ITGAV: variants seen among roughly 807,000 people sequenced by gnomAD.
ITGAV encodes integrin subunit alpha V.
A neutral mutation model predicts 143.8 loss-of-function variants in ITGAV; 76 were observed. The ratio of observed to expected loss-of-function variants is 0.53; its 90% CI spans 0.44 to 0.64. ITGAV has a LOEUF of 0.64. Among genes scored for constraint, ITGAV ranks in the 30% least tolerant of loss-of-function variants. The probability of loss-of-function intolerance (pLI) is 0.00; values close to 1 mark genes in which losing one functional copy is unlikely to be tolerated. For synonymous variants in ITGAV, 453 were observed against 446.7 expected (o/e 1.01, Z -0.18); for missense variants, 1,193 against 1,274.7 (o/e 0.94, Z 0.98).
chr2:186,665,949 C>G (rs1188567048), intron 21 of ITGAV, among the ~76,000 whole-genome samples: 1 of 152,100 alleles, frequency 6.6e-6, no homozygotes, highest in Admixed American at 6.6e-5. Flanking sequence ...ACAAATTACC[C>G]TAAGTTCAGT....
At chr2:186,629,339 G>C (rs554898787) in intron 4 of ITGAV, among the ~76,000 whole-genome samples, 1 of 151,954 alleles carries the variant, frequency 6.6e-6, no homozygotes, top group African/African-American at 2.4e-5. Flanking sequence ...GCAGATAATT[G>C]TACAGTATGA....
Position 186,590,421 on chromosome 2 carries a change from G to A in ITGAV, c.83G>A (p.Cys28Tyr), listed in dbSNP as rs1686580673. ...LLLSGLLLPLCRAFNLDVDSP... is the reference protein window; with the variant it reads ...LLLSGLLLPLYRAFNLDVDSP... Reference sequence around the variant, plus strand: ...CTCTCGGGACTCCTGCTACCTCTGTGCCGCGCCTTCAACCTAGACGTGGAC... The same window carrying A: ...CTCTCGGGACTCCTGCTACCTCTGTACCGCGCCTTCAACCTAGACGTGGAC... The change falls in exon 1 of 30, where the codon TGC (cysteine) becomes TAC (tyrosine). Residue 28 changes from cysteine (C) to tyrosine (Y), a missense_variant. Cys to Tyr is a radical substitution (Grantham distance 194, BLOSUM62 -2). Transcript: ENST00000261023. 1.2e-6 allele frequency: 2 copies of A among 1,613,076 alleles called. No homozygotes were observed. The highest frequency in any genetic ancestry group is 1.7e-6 in the Non-Finnish European group (2 of 1,179,840).
At chr2:186,604,360 T>TA (rs1170455037) in intron 2 of ITGAV, among the ~76,000 whole-genome samples, 1 of 152,224 alleles carries the variant, frequency 6.6e-6, no homozygotes, top group African/African-American at 2.4e-5. Context: ...AAATCACTGA[T>TA]ACTATTCTAT....
intron 14 of ITGAV, among the ~76,000 whole-genome samples, chr2:186,651,267 A>G (rs561123359): frequency 6.6e-6 from 1 of 152,296 alleles, no homozygotes; most frequent in South Asian, 2.1e-4. Context: ...CAGATTTCAG[A>G]TCTTTATCAT....
intron 6 of ITGAV, 68 bp downstream of exon 6, chr2:186,633,442 C>T: frequency 2.6e-6 from 2 of 781,108 alleles, no homozygotes; most frequent in Admixed American, 2.2e-5. Context: ...TAATTGTATG[C>T]CTATGACATT....
rs148860613 is a variant in ITGAV at position 186,640,126 on chromosome 2, A to G, written c.904-789A>G. On this transcript the variant is annotated intron_variant, in intron 10 of 29. Coordinates refer to ENST00000261023, the MANE Select transcript of ITGAV (RefSeq NM_002210.5). The stretch of plus-strand genomic sequence containing the variant: ...GTTGACTCATTTTTCACCTTACTTT[A>G]TATTTAATCTGTCATCTCTTTTAGT... Among the ~76,000 whole-genome samples the G allele has an allele frequency of 3.0e-3, 461 of 152,210 alleles. 4 individuals are homozygous for G. The highest frequency in any genetic ancestry group is 9.8e-3 in the African/African-American group (408 of 41,528).
At chr2:186,603,176 T>C (rs1193968688) in intron 2 of ITGAV, among the ~76,000 whole-genome samples, 1 of 152,254 alleles carries the variant, frequency 6.6e-6, no homozygotes, top group African/African-American at 2.4e-5. Context: ...AAGGAAATAG[T>C]GTGACATTCT....
At chr2:186,623,489 T>C (rs1017542090) in intron 3 of ITGAV, among the ~76,000 whole-genome samples, 1 of 152,130 alleles carries the variant, frequency 6.6e-6, no homozygotes, top group African/African-American at 2.4e-5. Flanking sequence ...AATATTGGGG[T>C]ATCCTTGATC....
intron 18 of ITGAV, chr2:186,660,469 TC>T (rs1218939402): frequency 1.3e-5 from 2 of 152,204 alleles, no homozygotes; most frequent in African/African-American, 4.8e-5. Context: ...TGTTATTCGC[TC>T]TTGTTTTTAT....
At chr2:186,663,858 A>G in intron 19 of ITGAV, 23 bp downstream of exon 19, 1 of 1,525,456 alleles carries the variant, frequency 6.6e-7, no homozygotes, top group Non-Finnish European at 9.1e-7. Context: ...TGAAATAATA[A>G]TGTAGTAAGA....
intron 24 of ITGAV, 110 bp from the exon 25 acceptor site, chr2:186,668,652 G>A (rs1574502701): frequency 1.1e-6 from 1 of 882,736 alleles, no homozygotes; most frequent in Non-Finnish European, 1.8e-6. Flanking sequence ...TGTGGAAATT[G>A]CTGTTATTTA....
rs1462360470 is a variant in ITGAV, at chr2:186,680,403, C to G, written c.*3111C>G. On this transcript the variant is annotated 3_prime_UTR_variant, in exon 30 of 30. Transcript: ENST00000261023. ...ATATGCTTATATTTCATTTTAATTT[C>G]TGATATATAATGAACTTCTTGGGAG... 6.6e-6 allele frequency: 1 copy of G among 152,438 alleles called. No homozygotes were observed. Among genetic ancestry groups the G allele is most frequent in the East Asian group, 1.9e-4 (1 of 5,196 alleles). 9.4% of individuals were successfully genotyped at this position (152,438 alleles called of 1,614,324 possible). A position where few individuals can be genotyped will look rare whatever the true frequency, so the allele number is the denominator to read the frequency against.
chr2:186,666,404 G>A (rs1045497726), intron 21 of ITGAV, among the ~76,000 whole-genome samples: 28 of 152,128 alleles, frequency 1.8e-4, no homozygotes, highest in African/African-American at 5.8e-4. Flanking sequence ...GTACCCAGTT[G>A]CTAGACTTTC....
chr2:186,658,023 G>T (rs13006483), intron 17 of ITGAV, among the ~76,000 whole-genome samples: 31,885 of 151,906 alleles, frequency 0.21, 4,062 homozygotes, highest in South Asian at 0.3. Context: ...AGTGGTCAAG[G>T]ATAGTACCAG....
At chr2:186,635,949 A>G (rs907177773) in intron 6 of ITGAV, 133 bp from the exon 7 acceptor site, 3 of 628,928 alleles carry the variant, frequency 4.8e-6, no homozygotes, top group Non-Finnish European at 7.7e-6. Context: ...ATGATCAAGG[A>G]GAGTTATGTA....
At chr2:186,646,365 T>TG (rs1688256895) in intron 12 of ITGAV, among the ~76,000 whole-genome samples, 1 of 152,118 alleles carries the variant, frequency 6.6e-6, no homozygotes, top group African/African-American at 2.4e-5. Context: ...TCCAGAAAGT[T>TG]TAAGTGATTG....
intron 2 of ITGAV, among the ~76,000 whole-genome samples, chr2:186,618,718 TTG>T (rs1687437455): frequency 6.9e-6 from 1 of 144,216 alleles, no homozygotes; most frequent in African/African-American, 2.5e-5. Context: ...AATATAATAA[TTG>T]AGAAAAAATG....
At chr2:186,594,235 A>G (rs1357685413) in intron 1 of ITGAV, among the ~76,000 whole-genome samples, 1 of 152,172 alleles carries the variant, frequency 6.6e-6, no homozygotes, top group Non-Finnish European at 1.5e-5. Context: ...TCTTAACTCA[A>G]TTTGACTAAA....
At chr2:186,643,451 T>C (rs1688163389) in intron 12 of ITGAV, among the ~76,000 whole-genome samples, 1 of 152,220 alleles carries the variant, frequency 6.6e-6, no homozygotes, top group South Asian at 2.1e-4. Flanking sequence ...TATTTATGTA[T>C]AGTATTTAGT....
Sources: allele counts gnomAD v4.1 joint callset (sites outside exome capture counted in the v4.1 genomes callset), GRCh38; gene constraint gnomAD v4.1.1; transcripts MANE v1.5; gene names NCBI Gene and HGNC (gene_info 2026-07-23, HGNC 2026-07-21).